Variants in SP2 observed in about 807,000 individuals in gnomAD.
SP2 encodes the protein Sp2 transcription factor.
In SP2, 9 loss-of-function variants were observed where a neutral mutation model predicts 50.1. The observed-to-expected ratio is 0.18, with a 90% CI of 0.11 to 0.31. SP2 has a LOEUF of 0.31. Ranked by LOEUF, SP2 falls within the 10% of genes least tolerant of loss-of-function variation. SP2 has a pLI of 1.00. For synonymous variants in SP2, 313 were observed against 326.6 expected (o/e 0.96, Z 0.45); for missense variants, 581 against 806.5 (o/e 0.72, Z 3.39).
chr17:47,925,263 C>T lies in SP2; in HGVS notation c.1548-85C>T, dbSNP rs1367442765. 4.2e-6 allele frequency: 6 copies of T among 1,439,378 alleles called. No individual in the cohort carries two copies. In the East Asian group the frequency reaches 1.4e-4, roughly 33 times the overall value. The allele number at this position is 1,439,378 out of a possible 1,614,324, so 89.2% of individuals were successfully genotyped here. On this transcript the variant is annotated intron_variant, in intron 5 of 6. Transcript: ENST00000376741. ...GCTCTCTGACCTGACCCCACATCCT[C>T]ACTGCATCCTGTTCCTGCCCCATCC... is the stretch of plus-strand genomic sequence containing the variant.
chr17:47,915,632 A>G (rs2035169038), intron 2 of SP2, among the ~76,000 whole-genome samples: 1 of 152,184 alleles, frequency 6.6e-6, no homozygotes, highest in Non-Finnish European at 1.5e-5. Context: ...AAAAAAGGAA[A>G]AGGAAAACAG....
intron 3 of SP2, among the ~76,000 whole-genome samples, chr17:47,919,351 A>G (rs760711435): frequency 3.3e-5 from 5 of 152,204 alleles, no homozygotes; most frequent in Non-Finnish European, 7.3e-5. Context: ...TCGAGATTGC[A>G]GTGAACTATG....
intron 4 of SP2, 112 bp from the exon 5 acceptor site, chr17:47,924,807 C>G: frequency 1.0e-6 from 1 of 990,802 alleles, no homozygotes; most frequent in Non-Finnish European, 1.5e-6. Flanking sequence ...ACAGCAGGCT[C>G]TCAAAAATAG....
In SP2 at chr17:47,916,505, C is replaced by G; in HGVS notation, c.434C>G (p.Thr145Ser). ...VPQIQASNSQTIQVQPNLTNQ... is the reference protein window; with the variant it reads ...VPQIQASNSQSIQVQPNLTNQ... ...CAGATTCAGGCAAGCAATTCCCAAA[C>G]CATCCAAGTACAGCCCAATCTCACC... is the stretch of plus-strand genomic sequence containing the variant. The change falls in exon 3 of 7, where the codon ACC becomes AGC. Residue 145 changes from threonine to serine, a missense_variant. By Grantham distance (58) the Thr-to-Ser change is moderately conservative (BLOSUM62 1). This residue lies in a region of SP2 where 397 missense variants were observed against 491.0 expected (regional missense o/e 0.81). Transcript: ENST00000376741. The surrounding 1 kb of genome is among the most constrained non-coding windows in gnomAD (Gnocchi z 4.7). 6.2e-7 allele frequency: 1 copy of G among 1,614,120 alleles called. No individual in the cohort carries two copies. The highest frequency in any genetic ancestry group is 8.5e-7 in the Non-Finnish European group (1 of 1,180,018).
intron 1 of SP2, among the ~76,000 whole-genome samples, chr17:47,914,170 A>G (rs2035095916): frequency 6.6e-6 from 1 of 152,210 alleles, no homozygotes; most frequent in South Asian, 2.1e-4. Flanking sequence ...CAGGAGTTTG[A>G]GAACAGCCTG....
intron 3 of SP2, 102 bp downstream of exon 3, chr17:47,917,232 G>A: frequency 8.0e-7 from 1 of 1,254,890 alleles, no homozygotes; most frequent in Non-Finnish European, 1.1e-6. Flanking sequence ...ATCTGACCTT[G>A]AGAGTCAGTA....
intron 1 of SP2, among the ~76,000 whole-genome samples, chr17:47,907,281 C>A (rs1038130244): frequency 1.3e-5 from 2 of 152,058 alleles, no homozygotes; most frequent in Non-Finnish European, 2.9e-5. Flanking sequence ...GGCGGATGAT[C>A]AGTAGTACAT....
chr17:47,917,597 C>A (rs1210658789), intron 3 of SP2, among the ~76,000 whole-genome samples: 2 of 147,178 alleles, frequency 1.4e-5, no homozygotes, highest in African/African-American at 2.5e-5. Flanking sequence ...AGGCTAGATT[C>A]ATCTGGAATG....
chr17:47,903,620 CA>C (rs1567688560), intron 1 of SP2, among the ~76,000 whole-genome samples: 1 of 148,198 alleles, frequency 6.7e-6, no homozygotes, highest in East Asian at 2.0e-4. Context: ...GAGCCAAGAC[CA>C]AAAGGAAGAG....
intron 3 of SP2, among the ~76,000 whole-genome samples, chr17:47,920,383 G>A (rs535856799): frequency 1.3e-4 from 19 of 151,464 alleles, no homozygotes; most frequent in South Asian, 8.3e-4. Flanking sequence ...TCTGCCTCCC[G>A]GGTTCAAGCA....
chr17:47,910,942 T>G (rs144094257), intron 1 of SP2, among the ~76,000 whole-genome samples: 1 of 152,218 alleles, frequency 6.6e-6, no homozygotes, highest in Admixed American at 6.5e-5. Context: ...AAAAGATGAT[T>G]GGGCTGGGTG....
At chr17:47,915,266 CT>C in intron 1 of SP2, 45 bp from the exon 2 acceptor site, 2 of 1,363,056 alleles carry the variant, frequency 1.5e-6, no homozygotes, top group Non-Finnish European at 2.0e-6. Context: ...GGCTTGCGTT[CT>C]TTTTGGGCAT....
intron 1 of SP2, among the ~76,000 whole-genome samples, chr17:47,903,730 G>A (rs1454643455): frequency 6.6e-6 from 1 of 152,152 alleles, no homozygotes; most frequent in African/African-American, 2.4e-5. Context: ...GGGAGGCCGA[G>A]GTGGTCGGAT....
intron 6 of SP2, 48 bp from the exon 7 acceptor site, chr17:47,927,676 A>G (rs764666871): frequency 1.3e-4 from 168 of 1,310,866 alleles, no homozygotes; most frequent in Non-Finnish European, 1.7e-4. Context: ...GGGCAGAGAC[A>G]GGGTCTGTGC....
chr17:47,925,223 C>G (rs1040072385), intron 5 of SP2, 125 bp from the exon 6 acceptor site: 1 of 1,412,914 alleles, frequency 7.1e-7, no homozygotes, highest in Non-Finnish European at 9.6e-7. Flanking sequence ...GCCACCTTGC[C>G]CCCTGCCTCC....
rs761575611 is a variant in SP2 at position 47,916,845 on chromosome 17, T to C, written c.774T>C (p.Pro258=). ...RKKSLPASQP[P]VAVAEQVETV... ...AGAGCCTTCCTGCCTCCCAGCCCCCTGTGGCTGTGGCTGAGCAGGTGGAGA... is the reference window on the plus strand; with the variant it reads ...AGAGCCTTCCTGCCTCCCAGCCCCCCGTGGCTGTGGCTGAGCAGGTGGAGA... The change falls in exon 3 of 7, where the codon CCT becomes CCC. Residue 258 remains proline, a synonymous_variant. Coordinates refer to ENST00000376741, the MANE Select transcript of SP2 (RefSeq NM_003110.6). The surrounding 1 kb of genome is among the most constrained non-coding windows in gnomAD (Gnocchi z 4.7). 1 of 1,613,816 alleles carries C rather than the reference T, an allele frequency of 6.2e-7. No homozygotes were observed.
intron 1 of SP2, among the ~76,000 whole-genome samples, chr17:47,911,985 T>C (rs1312168272): frequency 6.6e-6 from 1 of 152,124 alleles, no homozygotes; most frequent in Non-Finnish European, 1.5e-5. Flanking sequence ...TAGACTATCA[T>C]ATTGCCCAAG....
chr17:47,925,966 G>A (rs1397638613), intron 6 of SP2, among the ~76,000 whole-genome samples: 1 of 143,006 alleles, frequency 7.0e-6, no homozygotes, highest in Admixed American at 7.2e-5. Context: ...GCCCAGGCTG[G>A]AGTGAAGTGG....
intron 1 of SP2, among the ~76,000 whole-genome samples, chr17:47,900,708 C>T (rs1409238445): frequency 3.3e-5 from 5 of 152,130 alleles, no homozygotes; most frequent in East Asian, 1.9e-4. Context: ...ACCCAGGAGG[C>T]GGAGATTGCA....
Sources: gnomAD v4.1 joint callset for allele counts (sites outside exome capture counted in the v4.1 genomes callset) on GRCh38, gnomAD v4.1.1 for gene constraint, gnomAD v4.1.1 regional missense constraint, Gnocchi (gnomAD v3.1) non-coding constraint, MANE v1.5 for transcripts, NCBI Gene and HGNC (gene_info 2026-07-23, HGNC 2026-07-21) for gene names.